The following ABCD2 variants were observed in gnomAD, a reference collection of about 807,000 sequenced individuals.
ABCD2 encodes the protein ATP binding cassette subfamily D member 2.
In ABCD2, 36 loss-of-function variants were observed where a neutral mutation model predicts 70.9. That is an observed-to-expected ratio of 0.51 (90% CI 0.39 to 0.67). The LOEUF is 0.67. Ranked by LOEUF, ABCD2 falls within the 30% of genes least tolerant of loss-of-function variation. The pLI is 0.00. For synonymous variants in ABCD2, 304 were observed against 306.9 expected (o/e 0.99, Z 0.10); for missense variants, 729 against 890.2 (o/e 0.82, Z 2.30).
downstream of ABCD2, among the ~76,000 whole-genome samples, chr12:39,549,254 C>T (rs1941056559): frequency 6.6e-6 from 1 of 151,918 alleles, no homozygotes; most frequent in South Asian, 2.1e-4. Flanking sequence ...GGGAATCCTG[C>T]TGCCAGAATA....
chr12:39,542,887 A>G, the ABCD2 span, among the ~76,000 whole-genome samples: 13 of 152,214 alleles, frequency 8.5e-5, no homozygotes, highest in Non-Finnish European at 1.2e-4. Context: ...GAGCAGGAAA[A>G]GTTTGAGACC....
chr12:39,550,490 T>C lies in ABCD2; in HGVS notation c.*3422A>G, dbSNP rs1340085570. The C allele has an allele frequency of 1.3e-5, 2 of 151,770 alleles. No individual in the cohort carries two copies. The highest frequency in any genetic ancestry group is 6.6e-5 in the Admixed American group (1 of 15,214). The allele number at this position is 151,770 out of a possible 1,614,324, so 9.4% of individuals were successfully genotyped here. A position where few individuals can be genotyped will look rare whatever the true frequency, so the allele number is the denominator to read the frequency against. ...ACAATTCTGGCTTATAAATAGACCATTGGTTTTGAAAATTTCACAATATGA... is the reference window on the plus strand; with the variant it reads ...ACAATTCTGGCTTATAAATAGACCACTGGTTTTGAAAATTTCACAATATGA... On this transcript the variant is annotated 3_prime_UTR_variant, in exon 10 of 10. Coordinates refer to ENST00000308666, the MANE Select transcript of ABCD2 (RefSeq NM_005164.4).
rs546262964 is a variant in ABCD2 at position 39,554,546 on chromosome 12, T to TA, written c.2004-416_2004-415insT. The stretch of plus-strand genomic sequence containing the variant: ...ATAAAGGAAATACAATAGCAACTCA[T>TA]TAATACACCATCCTTTGGGAATGAG... On this transcript the variant is annotated intron_variant, in intron 9 of 9. Transcript: ENST00000308666. Among the ~76,000 whole-genome samples, 176 of 152,266 alleles carry TA rather than the reference T, an allele frequency of 1.2e-3. 1 individual carries two copies. Among genetic ancestry groups the TA allele is most frequent in the African/African-American group, 4.1e-3 (171 of 41,554 alleles).
At chr12:39,587,967 T>G (rs1352880815) in intron 6 of ABCD2, among the ~76,000 whole-genome samples, 3 of 152,192 alleles carry the variant, frequency 2.0e-5, no homozygotes, top group African/African-American at 7.2e-5. Flanking sequence ...TGCAAGTTTA[T>G]TTTTGCTAAT....
intron 9 of ABCD2, among the ~76,000 whole-genome samples, chr12:39,568,591 A>C (rs1288780002): frequency 6.6e-6 from 1 of 151,760 alleles, no homozygotes; most frequent in Non-Finnish European, 1.5e-5. Flanking sequence ...TTTAGCTCGG[A>C]GTAGTTTGAT....
At chr12:39,618,397 A>AT (rs1279621882) in intron 1 of ABCD2, among the ~76,000 whole-genome samples, 3 of 152,212 alleles carry the variant, frequency 2.0e-5, no homozygotes, top group Admixed American at 6.5e-5. Flanking sequence ...GTTAGAAATA[A>AT]TTCTGAGCAT....
intron 5 of ABCD2, among the ~76,000 whole-genome samples, chr12:39,603,501 T>C (rs1941928602): frequency 2.0e-5 from 3 of 152,090 alleles, no homozygotes; most frequent in African/African-American, 7.2e-5. Flanking sequence ...TTTTAAAAAT[T>C]TAAGTCACAT....
At chr12:39,568,205 A>G (rs1362976853) in intron 9 of ABCD2, among the ~76,000 whole-genome samples, 1 of 152,170 alleles carries the variant, frequency 6.6e-6, no homozygotes, top group Non-Finnish European at 1.5e-5. Context: ...CTCCTGGATA[A>G]TATCCTGCAG....
Position 39,586,251 on chromosome 12 carries a change from C to A in ABCD2, c.1693G>T (p.Asp565Tyr). 1 of 1,613,546 alleles carries A rather than the reference C, an allele frequency of 6.2e-7. No homozygotes were observed. Among genetic ancestry groups the A allele is most frequent in the Non-Finnish European group, 8.5e-7 (1 of 1,179,674 alleles). ...GSLRDQVIYP[D>Y]SVDDMHDKGY... ...TTATCATGCATATCATCCACTGAAT[C>A]AGGGTAAATGACTTGATCCCGAAGA... is the stretch of plus-strand genomic sequence containing the variant. The change falls in exon 7 of 10, where the codon GAT becomes TAT. Residue 565 changes from aspartate (D) to tyrosine (Y), a missense_variant. Transcript: ENST00000308666.
At chr12:39,574,453 AT>A (rs1441909294) in intron 8 of ABCD2, among the ~76,000 whole-genome samples, 5 of 152,092 alleles carry the variant, frequency 3.3e-5, no homozygotes, top group African/African-American at 1.2e-4. Context: ...ATATTGGACA[AT>A]TTTTTAAGCT....
chr12:39,564,501 T>G (rs1385736328), intron 9 of ABCD2, among the ~76,000 whole-genome samples: 2 of 152,210 alleles, frequency 1.3e-5, no homozygotes, highest in Non-Finnish European at 2.9e-5. Context: ...GTAAATTTGT[T>G]GGAGTTCATT....
chr12:39,557,426 AG>A (rs1941185347), intron 9 of ABCD2, among the ~76,000 whole-genome samples: 1 of 152,240 alleles, frequency 6.6e-6, no homozygotes, highest in South Asian at 2.1e-4. Context: ...TTGAAAGGAA[AG>A]CAGAGCATAA....
intron 9 of ABCD2, among the ~76,000 whole-genome samples, chr12:39,572,885 T>A (rs1388284772): frequency 2.0e-5 from 3 of 152,100 alleles, no homozygotes; most frequent in African/African-American, 7.2e-5. Context: ...AAAGAAAAAA[T>A]TTTCATTGAT....
chr12:39,587,932 T>C lies in ABCD2; in HGVS notation c.1647-1635A>G, dbSNP rs148015745. Reference sequence around the variant, plus strand: ...TAATTTCAGTCAAAGACAGAAAGAATCAGGCGGAAATTTTAAACTTTACTT... The same window carrying C: ...TAATTTCAGTCAAAGACAGAAAGAACCAGGCGGAAATTTTAAACTTTACTT... On this transcript the variant is annotated intron_variant, in intron 6 of 9. Transcript: ENST00000308666. 3.2e-3 allele frequency among the ~76,000 whole-genome samples: 486 copies of C among 152,324 alleles called. 6 individuals are homozygous for C. The highest frequency in any genetic ancestry group is 0.011 in the African/African-American group (476 of 41,576).
At chr12:39,544,233 G>A in the ABCD2 span, among the ~76,000 whole-genome samples, 1 of 152,068 alleles carries the variant, frequency 6.6e-6, no homozygotes, top group African/African-American at 2.4e-5. Context: ...CTGGGTGGGG[G>A]CCACGAGATC....
At chr12:39,586,011 G>T in intron 7 of ABCD2, 141 bp downstream of exon 7, 2 of 689,970 alleles carry the variant, frequency 2.9e-6, no homozygotes, top group South Asian at 5.9e-5. Context: ...TAATGGAACA[G>T]CAATAAAACT....
rs754532432 is a variant in ABCD2, at chr12:39,600,717, C to T, written c.1501-1G>A. On this transcript the variant is annotated splice_acceptor_variant, in intron 5 of 9. Coordinates refer to ENST00000308666, the MANE Select transcript of ABCD2 (RefSeq NM_005164.4). LOFTEE classifies it high-confidence loss of function. ...TCAAAAGATGCATTCCTTCTTCTAC[C>T]TAAAGTAAGAAATAAAATTACAAAC... The T allele has an allele frequency of 1.2e-6, 2 of 1,600,210 alleles. No homozygotes were observed. The highest frequency in any genetic ancestry group is 1.8e-5 in the Admixed American group (1 of 56,174).
At chr12:39,582,404 A>T (rs1361474058) in intron 7 of ABCD2, among the ~76,000 whole-genome samples, 1 of 152,238 alleles carries the variant, frequency 6.6e-6, no homozygotes, top group Non-Finnish European at 1.5e-5. Flanking sequence ...ATAATGATAT[A>T]TGTAAATTCC....
chr12:39,568,345 A>C (rs1403607560), intron 9 of ABCD2, among the ~76,000 whole-genome samples: 2 of 152,020 alleles, frequency 1.3e-5, no homozygotes, highest in South Asian at 4.1e-4. Context: ...CTTTTTCTCT[A>C]AACTTCTCTT....
Sources: gnomAD v4.1 joint callset for allele counts (sites outside exome capture counted in the v4.1 genomes callset) on GRCh38, gnomAD v4.1.1 for gene constraint, MANE v1.5 for transcripts, NCBI Gene and HGNC (gene_info 2026-07-23, HGNC 2026-07-21) for gene names.